The following USP53 variants were observed in gnomAD, a reference collection of about 807,000 sequenced individuals.
USP53 encodes the protein ubiquitin carboxyl-terminal hydrolase 53.
Under a neutral mutation model 94.9 loss-of-function variants are expected in USP53, and 71 were observed. The observed-to-expected ratio is 0.75, with a 90% confidence interval of 0.62 to 0.91. The LOEUF (loss-of-function observed/expected upper bound fraction) is 0.91. USP53 is among the 40% of genes least tolerant of loss of function. USP53 has a pLI of 0.00. For missense variants in USP53, 1,173 were observed against 1,281.0 expected (o/e 0.92, Z 1.29); for synonymous variants, 375 against 422.7 (o/e 0.89, Z 1.39).
chr4:119,251,949 T>C (rs1749065963), intron 7 of USP53, among the ~76,000 whole-genome samples: 1 of 152,222 alleles, frequency 6.6e-6, no homozygotes, highest in Non-Finnish European at 1.5e-5. Flanking sequence ...TGAAAGGCTG[T>C]TGAATTTTGT....
At chr4:119,290,727 A>G (rs1754653182) in intron 17 of USP53, among the ~76,000 whole-genome samples, 1 of 152,194 alleles carries the variant, frequency 6.6e-6, no homozygotes, top group African/African-American at 2.4e-5. Context: ...CCATTATATA[A>G]GTGAGGGAAC....
chr4:119,236,042 G>A (rs1746697396), intron 4 of USP53, among the ~76,000 whole-genome samples: 2 of 152,086 alleles, frequency 1.3e-5, no homozygotes, highest in South Asian at 4.1e-4. Context: ...AAAAAATGTT[G>A]AATGAAATAA....
chr4:119,280,863 A>G (rs1753435157), intron 17 of USP53, among the ~76,000 whole-genome samples: 2 of 152,146 alleles, frequency 1.3e-5, no homozygotes, highest in East Asian at 3.9e-4. Context: ...TCACGTGCCA[A>G]CTCTTAAAAC....
At chr4:119,281,927 CTA>C (rs1753554042) in intron 17 of USP53, among the ~76,000 whole-genome samples, 1 of 152,084 alleles carries the variant, frequency 6.6e-6, no homozygotes, top group Admixed American at 6.6e-5. Context: ...CAGAACTTTT[CTA>C]TCTTCTCAAA....
intron 12 of USP53, among the ~76,000 whole-genome samples, chr4:119,266,892 A>G (rs1430428653): frequency 6.6e-6 from 1 of 151,924 alleles, no homozygotes; most frequent in African/African-American, 2.4e-5. Context: ...TTTTTGTGTG[A>G]GCCATTCTGA....
chr4:119,271,865 C>T lies in USP53; in HGVS notation c.2005C>T (p.Leu669Phe). ...AAAAGGAGCAGAGAAAAATAAAGGC[C>T]TTGTAGAGGGTAAAGTGCATGGTGA... ...NGKGAEKNKG[L>F]VEGKVHGDNW... is the part of the protein sequence containing the mutation. The change falls in exon 16 of 19, where the codon CTT (leucine) becomes TTT (phenylalanine). Residue 669 changes from leucine (L) to phenylalanine (F), a missense_variant. Coordinates refer to ENST00000692078, the MANE Select transcript of USP53 (RefSeq NM_001371395.1). 6.2e-7 allele frequency: 1 copy of T among 1,613,762 alleles called. No homozygotes were observed. The highest frequency in any genetic ancestry group is 8.5e-7 in the Non-Finnish European group (1 of 1,179,952).
intron 1 of USP53, among the ~76,000 whole-genome samples, chr4:119,213,785 G>T (rs1743299922): frequency 6.6e-6 from 1 of 151,658 alleles, no homozygotes; most frequent in Middle Eastern, 3.4e-3. Flanking sequence ...GGCTGAGGCA[G>T]GAGAATTGCT....
At chr4:119,214,505 A>G (rs932408348) in intron 2 of USP53, among the ~76,000 whole-genome samples, 1 of 152,060 alleles carries the variant, frequency 6.6e-6, no homozygotes, top group Non-Finnish European at 1.5e-5. Flanking sequence ...GGAATTTGAT[A>G]CTAATAATCA....
At chr4:119,232,542 G>A (rs1369480659) in intron 3 of USP53, among the ~76,000 whole-genome samples, 1 of 152,160 alleles carries the variant, frequency 6.6e-6, no homozygotes, top group African/African-American at 2.4e-5. Context: ...TTGATTGGTT[G>A]ATGGACATTT....
chr4:119,220,259 T>G (rs1312223998), intron 3 of USP53: 4 of 152,106 alleles, frequency 2.6e-5, no homozygotes, highest in African/African-American at 9.7e-5. Flanking sequence ...GTTTAAAAAA[T>G]TATTTATGAA....
At chr4:119,291,085 T>C (rs1561360852) in intron 17 of USP53, 80 bp from the exon 18 acceptor site, 3 of 700,650 alleles carry the variant, frequency 4.3e-6, no homozygotes, top group Non-Finnish European at 6.7e-6. Flanking sequence ...TATAGAAAAG[T>C]ATAAATGAAA....
In USP53 at chr4:119,291,280, C is replaced by T. The variant is rs549203911; in HGVS notation, c.2348+19C>T. On this transcript the variant is annotated intron_variant, in intron 18 of 18. Coordinates refer to ENST00000692078, the MANE Select transcript of USP53 (RefSeq NM_001371395.1). Reference sequence around the variant, plus strand: ...TAAAAAGGTAACCATATTTTTTTTCCCTAAATACATGTATTATAGGCACGT... The same window carrying T: ...TAAAAAGGTAACCATATTTTTTTTCTCTAAATACATGTATTATAGGCACGT... 461 of 1,515,222 alleles carry T rather than the reference C, an allele frequency of 3.0e-4. 5 individuals are homozygous for T. In the South Asian group the frequency reaches 5.2e-3, roughly 17 times the overall value. The allele number at this position is 1,515,222 out of a possible 1,614,324, so 93.9% of individuals were successfully genotyped here.
intron 17 of USP53, among the ~76,000 whole-genome samples, chr4:119,288,764 C>T (rs944270416): frequency 2.0e-5 from 3 of 151,920 alleles, no homozygotes; most frequent in Non-Finnish European, 4.4e-5. Context: ...TGAAGAAACC[C>T]CGTCTCTACT....
intron 7 of USP53, among the ~76,000 whole-genome samples, chr4:119,255,829 G>A (rs1407166270): frequency 1.3e-5 from 2 of 152,188 alleles, no homozygotes; most frequent in Non-Finnish European, 2.9e-5. Flanking sequence ...TGTGTTCTGT[G>A]TCAGTCTCAC....
intron 17 of USP53, among the ~76,000 whole-genome samples, chr4:119,283,533 A>G (rs1753744371): frequency 6.6e-6 from 1 of 151,938 alleles, no homozygotes; most frequent in Non-Finnish European, 1.5e-5. Flanking sequence ...TAGTTAGATG[A>G]TGATTGTAAT....
At chr4:119,242,032 G>T (rs1698628054) in intron 5 of USP53, among the ~76,000 whole-genome samples, 1 of 152,078 alleles carries the variant, frequency 6.6e-6, no homozygotes, top group Admixed American at 6.6e-5. Context: ...CTTAGACATT[G>T]TAGTTTTCAC....
chr4:119,227,219 T>G (rs1485384494), intron 3 of USP53, among the ~76,000 whole-genome samples: 1 of 144,216 alleles, frequency 6.9e-6, no homozygotes, highest in Non-Finnish European at 1.5e-5. Flanking sequence ...AATTAGATTT[T>G]GTTTGGACAA....
rs1228285887 is a variant in USP53, at chr4:119,274,397, T to A, written c.2251+689T>A. ...TTTACTGAGAATGATGATTTCCAAT[T>A]TCATCCATGTCCCTACAAAGGACAC... On this transcript the variant is annotated intron_variant, in intron 17 of 18. Transcript: ENST00000692078. Among the ~76,000 whole-genome samples, 5 of 152,204 alleles carry A rather than the reference T, an allele frequency of 3.3e-5. No individual in the cohort carries two copies. In the South Asian group the frequency reaches 6.2e-4, roughly 19 times the overall value.
chr4:119,216,479 C>T (rs986271811), intron 2 of USP53, among the ~76,000 whole-genome samples: 3 of 151,992 alleles, frequency 2.0e-5, no homozygotes, highest in African/African-American at 7.2e-5. Flanking sequence ...TTACTTCAGT[C>T]ACTTTATCTT....
Sources: allele counts gnomAD v4.1 joint callset (sites outside exome capture counted in the v4.1 genomes callset), GRCh38; gene constraint gnomAD v4.1.1; transcripts MANE v1.5; gene names NCBI Gene and HGNC (gene_info 2026-07-23, HGNC 2026-07-21).